ESRP2: variants seen among roughly 807,000 people sequenced by gnomAD.
ESRP2 encodes epithelial splicing regulatory protein 2, also known as RNA binding motif protein 35A.
In ESRP2, 48 loss-of-function variants were observed where a neutral mutation model predicts 78.6. That is an observed-to-expected ratio of 0.61 (90% CI 0.48 to 0.78). ESRP2 has a LOEUF of 0.78. Ranked by LOEUF, ESRP2 falls within the 30% of genes least tolerant of loss-of-function variation. ESRP2 has a pLI of 0.00. For synonymous variants in ESRP2, 383 were observed against 406.7 expected (o/e 0.94, Z 0.70); for missense variants, 863 against 965.9 (o/e 0.89, Z 1.41).
At position 68,230,282 on chromosome 16, in the gene ESRP2, C is replaced by G; in HGVS notation, c.2098G>C (p.Val700Leu). 6.2e-7 allele frequency: 1 copy of G among 1,614,232 alleles called. No homozygotes were observed. The highest frequency in any genetic ancestry group is 8.5e-7 in the Non-Finnish European group (1 of 1,180,038). Residue 700 changes from valine to leucine, a missense_variant, in exon 15 of 15, where the codon GTT (valine) becomes CTT (leucine). By Grantham distance (32) the Val-to-Leu change is conservative. Coordinates refer to ENST00000473183, the MANE Select transcript of ESRP2 (RefSeq NM_024939.3). ...AACACAGTGCGAGGTGGGTCACCAA[C>G]AGGCATCAGACTGGTGTAGTCATCA... ...PADDYTSLMPVGDPPRTVLQA... is the reference protein window; with the variant it reads ...PADDYTSLMPLGDPPRTVLQA...
Position 68,232,716 on chromosome 16 carries a change from A to G in ESRP2, c.711-29T>C, listed in dbSNP as rs771195938. The G allele has an allele frequency of 2.5e-6, 4 of 1,614,188 alleles. No homozygotes were observed. The highest frequency in any genetic ancestry group is 3.4e-6 in the Non-Finnish European group (4 of 1,180,028). On this transcript the variant is annotated intron_variant, in intron 6 of 14. Transcript: ENST00000473183. The surrounding 1 kb of genome is among the most constrained non-coding windows in gnomAD (Gnocchi z 5.2). ...TAGGGGCAGGGCACAGTGCTGTCAG[A>G]GCTATTCAGCTGTTGTCACCCCCAG...
Position 68,233,753 on chromosome 16 carries a change from C to G in ESRP2, c.556+15G>C. 6.2e-7 allele frequency: 1 copy of G among 1,600,640 alleles called. No individual in the cohort carries two copies. Among genetic ancestry groups the G allele is most frequent in the Non-Finnish European group, 8.6e-7 (1 of 1,168,462 alleles). The stretch of plus-strand genomic sequence containing the variant: ...CAGTGGCTTCTCCACCCTAACCCTG[C>G]TGGGTCACAGATACCCTGTGCCATG... On this transcript the variant is annotated intron_variant, in intron 4 of 14. Transcript: ENST00000473183.
chr16:68,236,114 C>G lies in ESRP2; in HGVS notation c.-69G>C. 3 of 1,346,524 alleles carry G rather than the reference C, an allele frequency of 2.2e-6. No homozygotes were observed. The highest frequency in any genetic ancestry group is 2.8e-6 in the Non-Finnish European group (3 of 1,056,488). 83.4% of individuals were successfully genotyped at this position (1,346,524 alleles called of 1,614,324 possible). A position where few individuals can be genotyped will look rare whatever the true frequency, so the allele number is the denominator to read the frequency against. ...GAGGCGCACGCACGCACCGACCGAC[C>G]GCAGACGCGGATCAGCTTGGGCGGG... On this transcript the variant is annotated 5_prime_UTR_variant, in exon 1 of 15. Transcript: ENST00000473183. This position sits in a 1 kb window ranked among gnomAD's most constrained non-coding sequence, Gnocchi z 5.2.
chr16:68,235,593 CCTCA>C lies in ESRP2; in HGVS notation c.327+37_327+40del. 6.3e-7 allele frequency: 1 copy of C among 1,594,236 alleles called. No individual in the cohort carries two copies. The highest frequency in any genetic ancestry group is 1.1e-5 in the South Asian group (1 of 90,440). On this transcript the variant is annotated intron_variant, in intron 2 of 14. Transcript: ENST00000473183. The surrounding 1 kb of genome is among the most constrained non-coding windows in gnomAD (Gnocchi z 5.5). Reference sequence around the variant, plus strand: ...GGCCGCCAATCCCGCCCAGAAATGTCCTCACGTCCAGGCCATGCCGCCACCCACC... The same window carrying C: ...GGCCGCCAATCCCGCCCAGAAATGTCCGTCCAGGCCATGCCGCCACCCACC...
chr16:68,236,073 A>G lies in ESRP2; in HGVS notation c.-28T>C. 7.1e-7 allele frequency: 1 copy of G among 1,400,932 alleles called. No homozygotes were observed. The highest frequency in any genetic ancestry group is 9.2e-7 in the Non-Finnish European group (1 of 1,089,724). The allele number at this position is 1,400,932 out of a possible 1,614,324, so 86.8% of individuals were successfully genotyped here. Reference sequence around the variant, plus strand: ...CCGCAGAGGAAGGGGGCTCTCGGCCAGACACGCGGACCGACGAGGCGCACG... The same window carrying G: ...CCGCAGAGGAAGGGGGCTCTCGGCCGGACACGCGGACCGACGAGGCGCACG... On this transcript the variant is annotated 5_prime_UTR_variant, in exon 1 of 15. Transcript: ENST00000473183. This position sits in a 1 kb window ranked among gnomAD's most constrained non-coding sequence, Gnocchi z 5.2.
rs1334530104 is a variant in ESRP2 at position 68,233,404 on chromosome 16, G to A, written c.578C>T (p.Ala193Val). Residue 193 changes from alanine to valine, a missense_variant, in exon 5 of 15, where the codon GCC becomes GTC. Ala to Val is a moderately conservative substitution (Grantham distance 64). Coordinates refer to ENST00000473183, the MANE Select transcript of ESRP2 (RefSeq NM_024939.3). The stretch of plus-strand genomic sequence containing the variant: ...CCAGACCCCAAAGTCATCCTCTGTG[G>A]CATCTGTCTCCAGTCCTAAACCTAT... ...MAQGLGLETDATEDDFGVWEV... is the reference protein window; with the variant it reads ...MAQGLGLETDVTEDDFGVWEV... 6.2e-7 allele frequency: 1 copy of A among 1,613,858 alleles called. No homozygotes were observed. The highest frequency in any genetic ancestry group is 1.7e-5 in the Admixed American group (1 of 60,014).
In ESRP2 at chr16:68,235,142, A is replaced by T; in HGVS notation, c.327+492T>A. 1 of 992,138 alleles carries T rather than the reference A, an allele frequency of 1.0e-6. No homozygotes were observed. The allele number at this position is 992,138 out of a possible 1,614,324, so 61.5% of individuals were successfully genotyped here. A position where few individuals can be genotyped will look rare whatever the true frequency, so the allele number is the denominator to read the frequency against. The stretch of plus-strand genomic sequence containing the variant: ...GCCCACGCCTGGCCAGCCGGCCGGG[A>T]CAGGCCTAGACGAGCAGTTTACACC... On this transcript the variant is annotated intron_variant, in intron 2 of 14. Transcript: ENST00000473183. The surrounding 1 kb of genome is among the most constrained non-coding windows in gnomAD (Gnocchi z 5.5).
At position 68,233,386 on chromosome 16, in the gene ESRP2, C is replaced by T. The variant is rs373477664; in HGVS notation, c.596G>A (p.Gly199Glu). The T allele has an allele frequency of 4.3e-6, 7 of 1,613,934 alleles. No homozygotes were observed. Among genetic ancestry groups the T allele is most frequent in the African/African-American group, 2.7e-5 (2 of 74,880 alleles). The change falls in exon 5 of 15, where the codon GGG becomes GAG. Residue 199 changes from glycine to glutamate, a missense_variant. Transcript: ENST00000473183. Reference protein sequence around the residue: ...LETDATEDDFGVWEVKTMVAV... With the variant: ...LETDATEDDFEVWEVKTMVAV... ...TACCATTGTCTTGACTTCCCAGACC[C>T]CAAAGTCATCCTCTGTGGCATCTGT...
rs1443672772 is a variant in ESRP2 at position 68,235,418 on chromosome 16, T to C, written c.327+216A>G. The C allele has an allele frequency of 4.1e-6, 4 of 985,314 alleles. No homozygotes were observed. In the African/African-American group the frequency reaches 5.2e-5, roughly 13 times the overall value. The allele number at this position is 985,314 out of a possible 1,614,324, so 61.0% of individuals were successfully genotyped here. A position where few individuals can be genotyped will look rare whatever the true frequency, so the allele number is the denominator to read the frequency against. On this transcript the variant is annotated intron_variant, in intron 2 of 14. Coordinates refer to ENST00000473183, the MANE Select transcript of ESRP2 (RefSeq NM_024939.3). The surrounding 1 kb of genome is among the most constrained non-coding windows in gnomAD (Gnocchi z 5.5). ...GATCCCTTCGGTAGGAGTAGGTTCC[T>C]GCAATGGTTGAAAAGTAAGGAGCCC...
intron 4 of ESRP2, 103 bp downstream of exon 4, chr16:68,233,665 G>T (rs949024955): frequency 1.2e-6 from 1 of 863,098 alleles, no homozygotes; most frequent in Non-Finnish European, 1.9e-6. Flanking sequence ...AGCAGATAAC[G>T]CAGTCTTGTA....
chr16:68,232,913 G>T lies in ESRP2; in HGVS notation c.656-98C>A. On this transcript the variant is annotated intron_variant, in intron 5 of 14. Transcript: ENST00000473183. The surrounding 1 kb of genome is among the most constrained non-coding windows in gnomAD (Gnocchi z 5.2). ...GGACAATTGAGAGAGATGAAGAAAT[G>T]ACAGGCCGAGCACAGTGGCTCACGC... 1 of 1,544,208 alleles carries T rather than the reference G, an allele frequency of 6.5e-7. No individual in the cohort carries two copies. Among genetic ancestry groups the T allele is most frequent in the South Asian group, 1.1e-5 (1 of 89,350 alleles).
Position 68,231,254 on chromosome 16 carries a change from T to C in ESRP2, c.1635A>G (p.Thr545=). 6.2e-7 allele frequency: 1 copy of C among 1,614,086 alleles called. No individual in the cohort carries two copies. The highest frequency in any genetic ancestry group is 8.5e-7 in the Non-Finnish European group (1 of 1,179,996). The part of the protein sequence containing the change: ...ERYVEVVPCS[T]EEMSRVLMGG... The stretch of plus-strand genomic sequence containing the variant: ...CCATCAGCACTCGGCTCATCTCCTC[T>C]GTGGAACAGGGGACCACCTCCACGT... Residue 545 remains threonine (T), a synonymous_variant, in exon 12 of 15, where the codon ACA becomes ACG. Transcript: ENST00000473183. This position sits in a 1 kb window ranked among gnomAD's most constrained non-coding sequence, Gnocchi z 6.0.
Position 68,236,085 on chromosome 16 carries a change from C to G in ESRP2, c.-40G>C. On this transcript the variant is annotated 5_prime_UTR_variant, in exon 1 of 15. Coordinates refer to ENST00000473183, the MANE Select transcript of ESRP2 (RefSeq NM_024939.3). This position sits in a 1 kb window ranked among gnomAD's most constrained non-coding sequence, Gnocchi z 5.2. ...GGGGCTCTCGGCCAGACACGCGGAC[C>G]GACGAGGCGCACGCACGCACCGACC... is the stretch of plus-strand genomic sequence containing the variant. 1 of 1,389,578 alleles carries G rather than the reference C, an allele frequency of 7.2e-7. No homozygotes were observed. The highest frequency in any genetic ancestry group is 9.2e-7 in the Non-Finnish European group (1 of 1,083,110). The allele number at this position is 1,389,578 out of a possible 1,614,324, so 86.1% of individuals were successfully genotyped here.
In ESRP2 at chr16:68,233,996, T is replaced by A. The variant is rs2042186411; in HGVS notation, c.439A>T (p.Lys147Ter). Residue 147 changes from lysine to a stop codon, truncating the protein, a stop_gained and splice_region_variant, in exon 3 of 15, where the codon AAG (lysine) becomes TAG (stop). Transcript: ENST00000473183. LOFTEE classifies it high-confidence loss of function. ...CCGGTTTTCCTTCAGGAGCATACCT[T>A]CCTGGAGGCCTCGGGGTGCAGGACC... ...RQVLHPEASR[K>*]NLVLPDMFFS... is the part of the protein sequence containing the mutation. 6.2e-7 allele frequency: 1 copy of A among 1,613,856 alleles called. No homozygotes were observed. Among genetic ancestry groups the A allele is most frequent in the Non-Finnish European group, 8.5e-7 (1 of 1,179,924 alleles).
chr16:68,232,803 G>A lies in ESRP2; in HGVS notation c.668C>T (p.Ser223Leu), dbSNP rs923854670. The A allele has an allele frequency of 1.4e-5, 22 of 1,614,060 alleles. No individual in the cohort carries two copies. The highest frequency in any genetic ancestry group is 1.8e-5 in the Non-Finnish European group (21 of 1,180,040). ...TTTCTGCTTTATCACCTCGGGCTTC[G>A]AAAACAATTGACCTGAGAAAAGATG... ...LLKEPSSQLF[S>L]KPEVIKQKYE... Residue 223 changes from serine to leucine, a missense_variant, in exon 6 of 15, where the codon TCG (serine) becomes TTG (leucine). By Grantham distance (145) the Ser-to-Leu change is moderately radical. Coordinates refer to ENST00000473183, the MANE Select transcript of ESRP2 (RefSeq NM_024939.3). This position sits in a 1 kb window ranked among gnomAD's most constrained non-coding sequence, Gnocchi z 5.2.
In ESRP2 at chr16:68,230,928, G is replaced by C. The variant is rs762766253; in HGVS notation, c.1811C>G (p.Ala604Gly). The C allele has an allele frequency of 1.9e-6, 3 of 1,613,560 alleles. No individual in the cohort carries two copies. The South Asian group carries it at 3.3e-5, about 18-fold the overall frequency. Residue 604 changes from alanine to glycine, a missense_variant, in exon 13 of 15, where the codon GCC becomes GGC. By Grantham distance (60) the Ala-to-Gly change is moderately conservative (BLOSUM62 0). Transcript: ENST00000473183. ...LYPSSALLPA[A>G]RVPAAPTPVA... ...AGGGGTGGGGGCAGCAGGCACCCTG[G>C]CAGCTGGGAGCAGTGCTGAAGAGGG...
chr16:68,232,490 G>C lies in ESRP2; in HGVS notation c.835C>G (p.Leu279Val). ...GLNVARGGVA[L>V]CLNAQGRRNG... The stretch of plus-strand genomic sequence containing the variant: ...CTGCGGCCCTGGGCGTTGAGGCAGA[G>C]TGCTACACCACCCCTGTGGAGCCAG... The change falls in exon 8 of 15, where the codon CTC becomes GTC. Residue 279 changes from leucine (L) to valine (V), a missense_variant. By Grantham distance (32) the Leu-to-Val change is conservative. Coordinates refer to ENST00000473183, the MANE Select transcript of ESRP2 (RefSeq NM_024939.3). This position sits in a 1 kb window ranked among gnomAD's most constrained non-coding sequence, Gnocchi z 5.2. The C allele has an allele frequency of 6.2e-7, 1 of 1,614,146 alleles. No homozygotes were observed. Among genetic ancestry groups the C allele is most frequent in the Non-Finnish European group, 8.5e-7 (1 of 1,180,016 alleles).
Position 68,233,029 on chromosome 16 carries a change from TC to T in ESRP2, c.656-215del. The T allele has an allele frequency of 6.2e-6, 4 of 645,342 alleles. No individual in the cohort carries two copies. In the Admixed American group the frequency reaches 8.6e-5, roughly 14 times the overall value. 40.0% of individuals were successfully genotyped at this position (645,342 alleles called of 1,614,324 possible). ...GCCTGGCCAACATGGTGAAACCCCATCTCTACTAAAAATACAAAAATTAGGT... is the reference window on the plus strand; with the variant it reads ...GCCTGGCCAACATGGTGAAACCCCATTCTACTAAAAATACAAAAATTAGGT... On this transcript the variant is annotated intron_variant, in intron 5 of 14. Transcript: ENST00000473183.
At position 68,233,856 on chromosome 16, in the gene ESRP2, G is replaced by C; in HGVS notation, c.468C>G (p.Phe156Leu). 1 of 1,614,108 alleles carries C rather than the reference G, an allele frequency of 6.2e-7. No individual in the cohort carries two copies. Among genetic ancestry groups the C allele is most frequent in the African/African-American group, 1.3e-5 (1 of 75,030 alleles). The change falls in exon 4 of 15, where the codon TTC becomes TTG. Residue 156 changes from phenylalanine (F) to leucine (L), a missense_variant. Coordinates refer to ENST00000473183, the MANE Select transcript of ESRP2 (RefSeq NM_024939.3). ...ATTCTCTTCGGAGGTCATAGAAGGA[G>C]AAGAACATGTCGGGGAGCACCAGGT... ...RKNLVLPDMF[F>L]SFYDLRREFH...
Sources: allele counts gnomAD v4.1 joint callset, GRCh38; gene constraint gnomAD v4.1.1; non-coding constraint Gnocchi (gnomAD v3.1); transcripts MANE v1.5; gene names NCBI Gene and HGNC (gene_info 2026-07-23, HGNC 2026-07-21).